CUX2: variants seen among roughly 807,000 people sequenced by gnomAD.
The protein encoded by CUX2 is homeobox protein cut-like 2.
CUX2 carries 40 observed loss-of-function variants against 144.8 expected under a neutral mutation model. The observed-to-expected ratio is 0.28, with a 90% CI of 0.21 to 0.36. CUX2 has a LOEUF of 0.36. Ranked by LOEUF, CUX2 falls within the 10% of genes least tolerant of loss-of-function variation. The pLI is 1.00. For missense variants in CUX2, 1,615 were observed against 1,994.0 expected (o/e 0.81, Z 3.62); for synonymous variants, 827 against 875.6 (o/e 0.94, Z 0.98).
chr12:111,158,732 G>A (rs1877554251), intron 1 of CUX2, among the ~76,000 whole-genome samples: 1 of 151,950 alleles, frequency 6.6e-6, no homozygotes, highest in Non-Finnish European at 1.5e-5. Flanking sequence ...ATTGAATAGG[G>A]CTATAAATGT....
At chr12:111,158,229 G>C (rs1877520006) in intron 1 of CUX2, among the ~76,000 whole-genome samples, 1 of 152,134 alleles carries the variant, frequency 6.6e-6, no homozygotes, top group Non-Finnish European at 1.5e-5. Context: ...GGTAAGGATG[G>C]GTGGGGTGTG....
In CUX2 at chr12:111,240,969, A is replaced by G. The variant is rs1312350801; in HGVS notation, c.223-22792A>G. Among the ~76,000 whole-genome samples, 14 of 152,146 alleles carry G rather than the reference A, an allele frequency of 9.2e-5. No homozygotes were observed. The South Asian group carries it at 1.4e-3, about 16-fold the overall frequency. ...ACCAGGTAGAGCCACCCAGGAGGCT[A>G]GTGGAGAGGGGCCTGTCTTAGTCCG... On this transcript the variant is annotated intron_variant, in intron 3 of 21. Transcript: ENST00000261726.
rs1871585308 is a variant in CUX2 at position 111,077,214 on chromosome 12, G to GC, written c.63+42975dup. Among the ~76,000 whole-genome samples the GC allele has an allele frequency of 6.6e-6, 1 of 152,128 alleles. No individual in the cohort carries two copies. Among genetic ancestry groups the GC allele is most frequent in the African/African-American group, 2.4e-5 (1 of 41,394 alleles). On this transcript the variant is annotated intron_variant, in intron 1 of 21. Transcript: ENST00000261726. This position sits in a 1 kb window ranked among gnomAD's most constrained non-coding sequence, Gnocchi z 4.1. ...CCAAATAGTGCTCCCAAACCCCGCA[G>GC]CGCCCCCGAGGCCCAAGCTGGCCTC...
intron 1 of CUX2, among the ~76,000 whole-genome samples, chr12:111,114,229 T>C (rs759615262): frequency 7.9e-5 from 12 of 152,026 alleles, no homozygotes; most frequent in Admixed American, 2.0e-4. Flanking sequence ...TCAGTTGCTC[T>C]ACAAGCTCAC....
intron 1 of CUX2, among the ~76,000 whole-genome samples, chr12:111,038,330 G>C (rs1371115850): frequency 6.6e-6 from 1 of 152,206 alleles, no homozygotes; most frequent in Non-Finnish European, 1.5e-5. Context: ...CAGTAAATAA[G>C]CTATCAGCCC....
At chr12:111,109,686 G>A (rs1436549304) in intron 1 of CUX2, among the ~76,000 whole-genome samples, 1 of 152,212 alleles carries the variant, frequency 6.6e-6, no homozygotes, top group African/African-American at 2.4e-5. Context: ...TATCACACAG[G>A]TTGGGGCATT....
At chr12:111,094,218 C>T (rs571283772) in intron 1 of CUX2, among the ~76,000 whole-genome samples, 1 of 152,208 alleles carries the variant, frequency 6.6e-6, no homozygotes, top group Non-Finnish European at 1.5e-5. Context: ...ATTATCCTGG[C>T]CATTCCCGTG....
chr12:111,134,023 T>G lies in CUX2; in HGVS notation c.64-80177T>G, dbSNP rs543584421. Reference sequence around the variant, plus strand: ...CTAGGAGTTCAACTTGCATTGTAATTCAGCCAGTCACAGAATGAGATTCTG... The same window carrying G: ...CTAGGAGTTCAACTTGCATTGTAATGCAGCCAGTCACAGAATGAGATTCTG... On this transcript the variant is annotated intron_variant, in intron 1 of 21. Transcript: ENST00000261726. Among the ~76,000 whole-genome samples the G allele has an allele frequency of 2.6e-5, 4 of 152,306 alleles. No homozygotes were observed. The East Asian group carries it at 7.7e-4, about 29-fold the overall frequency.
intron 3 of CUX2, among the ~76,000 whole-genome samples, chr12:111,242,254 G>T (rs563481748): frequency 6.6e-6 from 1 of 152,208 alleles, no homozygotes; most frequent in African/African-American, 2.4e-5. Context: ...AAACCTTAAA[G>T]GTTGAGTGAC....
At chr12:111,131,503 G>T (rs978945533) in intron 1 of CUX2, among the ~76,000 whole-genome samples, 2 of 152,070 alleles carry the variant, frequency 1.3e-5, no homozygotes, top group Non-Finnish European at 2.9e-5. Context: ...ACTCATTAGA[G>T]AATTAACCCA....
chr12:111,263,904 C>A lies in CUX2; in HGVS notation c.301+65C>A. 1 of 1,460,560 alleles carries A rather than the reference C, an allele frequency of 6.8e-7. No homozygotes were observed. Among genetic ancestry groups the A allele is most frequent in the Non-Finnish European group, 9.6e-7 (1 of 1,040,810 alleles). 90.5% of individuals were successfully genotyped at this position (1,460,560 alleles called of 1,614,324 possible). A position where few individuals can be genotyped will look rare whatever the true frequency, so the allele number is the denominator to read the frequency against. On this transcript the variant is annotated intron_variant, in intron 4 of 21. Transcript: ENST00000261726. The surrounding 1 kb of genome is among the most constrained non-coding windows in gnomAD (Gnocchi z 4.0). ...CAATAAATAGCCATTAGGACTGTGA[C>A]ACAGGGACTTTGAGGTGGGATGTGG...
At chr12:111,233,316 TTC>T (rs1462211162) in intron 3 of CUX2, among the ~76,000 whole-genome samples, 1 of 152,162 alleles carries the variant, frequency 6.6e-6, no homozygotes, top group East Asian at 1.9e-4. Flanking sequence ...GCCTCTTAAA[TTC>T]TGTTTATTCT....
At chr12:111,327,026 T>C (rs984908621) in intron 18 of CUX2, among the ~76,000 whole-genome samples, 10 of 152,204 alleles carry the variant, frequency 6.6e-5, no homozygotes, top group Admixed American at 5.2e-4. Context: ...CTCTGTCTAA[T>C]TCCAGAATAT....
intron 1 of CUX2, chr12:111,100,242 T>TGTGTGTGTCCTTGTGCCC: frequency 5.7e-6 from 2 of 353,272 alleles, no homozygotes; most frequent in South Asian, 2.1e-5. Context: ...TCCTTGTGCC[T>TGTGTGTGTCCTTGTGCCC]GTGTGTGTCC....
intron 3 of CUX2, among the ~76,000 whole-genome samples, chr12:111,224,490 G>A (rs1348970889): frequency 7.7e-6 from 1 of 130,688 alleles, no homozygotes. Flanking sequence ...TTGCTCTTCC[G>A]TTTGAGCTGA....
intron 3 of CUX2, among the ~76,000 whole-genome samples, chr12:111,228,227 G>A (rs1396422308): frequency 2.0e-5 from 3 of 152,122 alleles, no homozygotes; most frequent in Non-Finnish European, 4.4e-5. Flanking sequence ...ACAGTGGTTA[G>A]GAGTGTGGTT....
At position 111,329,531 on chromosome 12, in the gene CUX2, T is replaced by G. The variant is rs565620413; in HGVS notation, c.2927-4910T>G. Among the ~76,000 whole-genome samples the G allele has an allele frequency of 3.3e-5, 5 of 152,350 alleles. No individual in the cohort carries two copies. In the South Asian group the frequency reaches 1.0e-3, roughly 32 times the overall value. ...TTCTTTCCTGCCAATCATCTCCATG[T>G]CATCCTGTTCGCTTCGCTTCTTGGC... is the stretch of plus-strand genomic sequence containing the variant. On this transcript the variant is annotated intron_variant, in intron 18 of 21. Transcript: ENST00000261726.
chr12:111,200,140 G>A (rs1415587099), intron 1 of CUX2, among the ~76,000 whole-genome samples: 1 of 151,950 alleles, frequency 6.6e-6, no homozygotes, highest in East Asian at 1.9e-4. Context: ...TTGGGGAGAG[G>A]AGAGGACACC....
At chr12:111,126,626 C>G (rs907346253) in intron 1 of CUX2, among the ~76,000 whole-genome samples, 1 of 152,136 alleles carries the variant, frequency 6.6e-6, no homozygotes, top group African/African-American at 2.4e-5. Context: ...TAGAAGAGGC[C>G]CACTCACATT....
Sources: allele counts gnomAD v4.1 joint callset (sites outside exome capture counted in the v4.1 genomes callset), GRCh38; gene constraint gnomAD v4.1.1; non-coding constraint Gnocchi (gnomAD v3.1); transcripts MANE v1.5; gene names NCBI Gene and HGNC (gene_info 2026-07-23, HGNC 2026-07-21).